Variants in CALN1 observed in about 807,000 individuals in gnomAD.
CALN1 encodes the protein calneuron 1.
A neutral mutation model predicts 30.6 loss-of-function variants in CALN1; 17 were observed. The ratio of observed to expected loss-of-function variants is 0.56; its 90% CI spans 0.38 to 0.83. CALN1 has a LOEUF of 0.83. Ranked by LOEUF, CALN1 falls within the 40% of genes least tolerant of loss-of-function variation. CALN1 has a pLI of 0.00. For synonymous variants in CALN1, 156 were observed against 131.4 expected, an observed-to-expected ratio of 1.19 and a Z score of -1.28; for missense variants, 291 against 354.9, an observed-to-expected ratio of 0.82 and a Z score of 1.45.
chr7:72,086,986 TACTC>T (rs1260409453), intron 4 of CALN1, among the ~76,000 whole-genome samples: 16 of 152,114 alleles, frequency 1.1e-4, no homozygotes, highest in Admixed American at 9.8e-4. Context: ...GTCAAAAAGT[TACTC>T]AAAGTTGTTA....
chr7:71,970,128 C>A (rs1584639205), intron 5 of CALN1, among the ~76,000 whole-genome samples: 2 of 152,152 alleles, frequency 1.3e-5, no homozygotes, highest in East Asian at 3.9e-4. Context: ...GGATTACAGG[C>A]ATGAGCCACC....
At chr7:72,449,959 G>A (rs1431800278), upstream of CALN1, among the ~76,000 whole-genome samples, 4 of 148,178 alleles carry the variant, frequency 2.7e-5, no homozygotes, top group South Asian at 2.2e-4. Flanking sequence ...TAATCCCAAC[G>A]CTTTGGGTGG....
Position 71,835,882 on chromosome 7 carries a change from C to G in CALN1, c.502-25390G>C, listed in dbSNP as rs553922278. On this transcript the variant is annotated intron_variant, in intron 5 of 6. Coordinates refer to ENST00000395275, the MANE Select transcript of CALN1 (RefSeq NM_031468.4). Reference sequence around the variant, plus strand: ...CGTGAATCATTATATGTGGGGACAGCTGGGAGTTATAATTTGGAATATTGC... The same window carrying G: ...CGTGAATCATTATATGTGGGGACAGGTGGGAGTTATAATTTGGAATATTGC... Among the ~76,000 whole-genome samples the G allele has an allele frequency of 2.0e-5, 3 of 152,276 alleles. No homozygotes were observed. In the South Asian group the frequency reaches 6.2e-4, roughly 32 times the overall value.
intron 3 of CALN1, among the ~76,000 whole-genome samples, chr7:72,234,384 T>G (rs1485350085): frequency 6.6e-6 from 1 of 152,170 alleles, no homozygotes; most frequent in African/African-American, 2.4e-5. Context: ...CTCTGACATC[T>G]CCTGAATATT....
intron 4 of CALN1, among the ~76,000 whole-genome samples, chr7:72,081,190 T>C (rs1169373839): frequency 4.6e-5 from 7 of 152,124 alleles, no homozygotes; most frequent in Admixed American, 3.9e-4. Context: ...AGAAACAGCA[T>C]ACTCTTGACA....
At chr7:72,063,962 G>A (rs1276728283) in intron 4 of CALN1, among the ~76,000 whole-genome samples, 1 of 152,164 alleles carries the variant, frequency 6.6e-6, no homozygotes, top group East Asian at 1.9e-4. Context: ...ATGCCTTCTT[G>A]TAATAGCAAA....
At chr7:72,069,769 T>C (rs1804264742) in intron 4 of CALN1, among the ~76,000 whole-genome samples, 1 of 152,206 alleles carries the variant, frequency 6.6e-6, no homozygotes, top group South Asian at 2.1e-4. Flanking sequence ...AGGCCATTTT[T>C]CAGCCTACCA....
At chr7:71,850,527 T>C (rs1331639665) in intron 5 of CALN1, among the ~76,000 whole-genome samples, 2 of 152,230 alleles carry the variant, frequency 1.3e-5, no homozygotes, top group African/African-American at 2.4e-5. Context: ...TGACATTCTC[T>C]TGAGTGAAAT....
chr7:72,226,120 G>A (rs1201371123), intron 3 of CALN1, among the ~76,000 whole-genome samples: 1 of 150,800 alleles, frequency 6.6e-6, no homozygotes, highest in Non-Finnish European at 1.5e-5. Flanking sequence ...AATTAGCCGG[G>A]CATGGTGGTG....
chr7:72,207,105 CA>C (rs1791941936), intron 3 of CALN1, among the ~76,000 whole-genome samples: 1 of 152,154 alleles, frequency 6.6e-6, no homozygotes, highest in African/African-American at 2.4e-5. Context: ...ATGAACTACT[CA>C]AAATGTTGGT....
At chr7:72,255,911 G>A (rs759582650) in intron 3 of CALN1, among the ~76,000 whole-genome samples, 5 of 151,810 alleles carry the variant, frequency 3.3e-5, no homozygotes, top group Non-Finnish European at 5.9e-5. Context: ...TGTATTTTTA[G>A]TAGAAATGAG....
chr7:72,336,845 C>G lies in CALN1; in HGVS notation c.120-58035G>C, dbSNP rs895090925. On this transcript the variant is annotated intron_variant, in intron 2 of 6. Coordinates refer to ENST00000395275, the MANE Select transcript of CALN1 (RefSeq NM_031468.4). Reference sequence around the variant, plus strand: ...AGCGCTCAGCCTCTCGCTCACACCCCCAGCAGGCAGCCGCGTCCCCGTGCC... The same window carrying G: ...AGCGCTCAGCCTCTCGCTCACACCCGCAGCAGGCAGCCGCGTCCCCGTGCC... The G allele has an allele frequency of 9.1e-6, 9 of 985,130 alleles. No individual in the cohort carries two copies. In the East Asian group the frequency reaches 6.9e-4, roughly 75 times the overall value. 61.0% of individuals were successfully genotyped at this position (985,130 alleles called of 1,614,324 possible). A position where few individuals can be genotyped will look rare whatever the true frequency, so the allele number is the denominator to read the frequency against.
At chr7:71,954,331 A>T (rs1022053099) in intron 5 of CALN1, among the ~76,000 whole-genome samples, 1 of 152,012 alleles carries the variant, frequency 6.6e-6, no homozygotes, top group Non-Finnish European at 1.5e-5. Flanking sequence ...GTGGTGGCAC[A>T]CACCTGTATT....
At chr7:72,024,836 C>T (rs1800951565) in intron 4 of CALN1, among the ~76,000 whole-genome samples, 1 of 152,224 alleles carries the variant, frequency 6.6e-6, no homozygotes, top group African/African-American at 2.4e-5. Context: ...ATGTGTATGC[C>T]TATCCCTCTG....
At chr7:72,056,801 C>T (rs980062229) in intron 4 of CALN1, among the ~76,000 whole-genome samples, 2 of 151,836 alleles carry the variant, frequency 1.3e-5, no homozygotes, top group Non-Finnish European at 2.9e-5. Flanking sequence ...ACAGATAATC[C>T]ACAAAAGACA....
At chr7:71,801,748 G>T (rs368149136) in intron 6 of CALN1, among the ~76,000 whole-genome samples, 189 of 152,016 alleles carry the variant, frequency 1.2e-3, no homozygotes, top group South Asian at 3.1e-3. Flanking sequence ...AGGCTGAGGT[G>T]GGTGGATCAC....
the CALN1 span, among the ~76,000 whole-genome samples, chr7:72,499,997 C>T: frequency 1.5e-3 from 225 of 151,376 alleles, no homozygotes; most frequent in Non-Finnish European, 2.5e-3. Flanking sequence ...CTACAACCTC[C>T]GCCTCCCAGG....
intron 3 of CALN1, among the ~76,000 whole-genome samples, chr7:72,183,818 G>A (rs968771149): frequency 2.0e-5 from 3 of 152,098 alleles, no homozygotes; most frequent in South Asian, 2.1e-4. Context: ...CAGTATGCCA[G>A]GATGCCGTCC....
intron 5 of CALN1, among the ~76,000 whole-genome samples, chr7:71,925,999 AC>A (rs1185345431): frequency 2.6e-5 from 4 of 152,092 alleles, no homozygotes; most frequent in Non-Finnish European, 4.4e-5. Context: ...GAGTACAGGC[AC>A]CTGCCGCCAT....
Sources: gnomAD v4.1 joint callset for allele counts (sites outside exome capture counted in the v4.1 genomes callset) on GRCh38, gnomAD v4.1.1 for gene constraint, MANE v1.5 for transcripts, NCBI Gene and HGNC (gene_info 2026-07-23, HGNC 2026-07-21) for gene names.